The following DAP variants were observed in gnomAD, a reference collection of about 807,000 sequenced individuals.
DAP encodes death-associated protein 1.
Under a neutral mutation model 13.8 loss-of-function variants are expected in DAP, and 8 were observed. That is an observed-to-expected ratio of 0.58 (90% confidence interval 0.34 to 1.05). DAP has a LOEUF of 1.05. Among genes scored for constraint, DAP ranks in the 50% least tolerant of loss-of-function variants. The pLI is 0.03. For synonymous variants in DAP, 47 were observed against 47.5 expected (o/e 0.99, Z 0.04); for missense variants, 106 against 133.2 (o/e 0.80, Z 1.01).
At chr5:10,755,347 G>C (rs183430494) in intron 1 of DAP, among the ~76,000 whole-genome samples, 67 of 152,308 alleles carry the variant, frequency 4.4e-4, no homozygotes, top group African/African-American at 1.5e-3. Context: ...AGCCCAGTGA[G>C]ACCCATCTTG....
chr5:10,704,290 AAGT>A (rs1197695292), intron 2 of DAP, among the ~76,000 whole-genome samples: 1 of 152,208 alleles, frequency 6.6e-6, no homozygotes, highest in Non-Finnish European at 1.5e-5. Context: ...ATATTACACT[AAGT>A]AGGATTTAGG....
In DAP at chr5:10,692,809, G is replaced by A. The variant is rs1432603460; in HGVS notation, c.153-9238C>T. Among the ~76,000 whole-genome samples, 5 of 152,304 alleles carry A rather than the reference G, an allele frequency of 3.3e-5. No individual in the cohort carries two copies. In the East Asian group the frequency reaches 5.8e-4, roughly 18 times the overall value. ...GGCTCCCCAAAAGGACCGATTGCTAGTAATCTTCAAATAGGACTGCTACTG... is the reference window on the plus strand; with the variant it reads ...GGCTCCCCAAAAGGACCGATTGCTAATAATCTTCAAATAGGACTGCTACTG... On this transcript the variant is annotated intron_variant, in intron 2 of 3. Transcript: ENST00000230895.
rs367735191 is a variant in DAP at position 10,681,183 on chromosome 5, C to A, written c.196-14G>T. 1 of 1,482,324 alleles carries A rather than the reference C, an allele frequency of 6.7e-7. No individual in the cohort carries two copies. Among genetic ancestry groups the A allele is most frequent in the Admixed American group, 2.6e-5 (1 of 38,980 alleles). 91.8% of individuals were successfully genotyped at this position (1,482,324 alleles called of 1,614,324 possible). On this transcript the variant is annotated splice_polypyrimidine_tract_variant and intron_variant, in intron 3 of 3. Coordinates refer to ENST00000230895, the MANE Select transcript of DAP (RefSeq NM_004394.3). ...ATCTTTGTCACCCTGTCAGGAAACACGGAAAGCTCAGGTTAATCAATAGGA... is the reference window on the plus strand; with the variant it reads ...ATCTTTGTCACCCTGTCAGGAAACAAGGAAAGCTCAGGTTAATCAATAGGA...
At chr5:10,720,258 C>T (rs1054742191) in intron 2 of DAP, among the ~76,000 whole-genome samples, 21 of 152,220 alleles carry the variant, frequency 1.4e-4, no homozygotes, top group Non-Finnish European at 5.9e-5. Context: ...CCCAGTCATA[C>T]TTACATCACT....
chr5:10,726,302 C>T (rs1046222799), intron 2 of DAP, among the ~76,000 whole-genome samples: 18 of 152,252 alleles, frequency 1.2e-4, no homozygotes, highest in African/African-American at 4.1e-4. Context: ...AGTGTTCATA[C>T]ATTTCTGAAA....
In DAP at chr5:10,740,802, AACAG is replaced by A. The variant is rs1162903104; in HGVS notation, c.152+7369_152+7372del. Among the ~76,000 whole-genome samples the A allele has an allele frequency of 3.3e-5, 5 of 152,266 alleles. No individual in the cohort carries two copies. In the East Asian group the frequency reaches 7.7e-4, roughly 23 times the overall value. On this transcript the variant is annotated intron_variant, in intron 2 of 3. Transcript: ENST00000230895. ...ACAAATATTTTCAGAAAGAGAATAAAACAGACAGAAACCCAGTGGGAAGAAATAA... is the reference window on the plus strand; with the variant it reads ...ACAAATATTTTCAGAAAGAGAATAAAACAGAAACCCAGTGGGAAGAAATAA...
chr5:10,729,114 C>A (rs1211903040), intron 2 of DAP, among the ~76,000 whole-genome samples: 1 of 152,178 alleles, frequency 6.6e-6, no homozygotes, highest in Non-Finnish European at 1.5e-5. Flanking sequence ...ATCAACAACC[C>A]TTTTCCCACA....
At chr5:10,703,972 G>C (rs958498172) in intron 2 of DAP, among the ~76,000 whole-genome samples, 26 of 152,354 alleles carry the variant, frequency 1.7e-4, no homozygotes, top group African/African-American at 5.8e-4. Context: ...TGCTGTGGCA[G>C]AAAGCAGCAT....
At chr5:10,743,464 G>C (rs2126675290) in intron 2 of DAP, among the ~76,000 whole-genome samples, 1 of 152,194 alleles carries the variant, frequency 6.6e-6, no homozygotes, top group South Asian at 2.1e-4. Context: ...CCCCATTTCT[G>C]TTTCTTCCTT....
chr5:10,694,391 C>CACAA (rs1332519203), intron 2 of DAP, among the ~76,000 whole-genome samples: 1 of 151,760 alleles, frequency 6.6e-6, no homozygotes, highest in African/African-American at 2.4e-5. Context: ...TGTGCATACA[C>CACAA]ACACACACAC....
rs369132639 is a variant in DAP at position 10,749,325 on chromosome 5, G to A, written c.56-1054C>T. 5.9e-5 allele frequency among the ~76,000 whole-genome samples: 9 copies of A among 152,112 alleles called. No individual in the cohort carries two copies. In the East Asian group the frequency reaches 7.7e-4, roughly 13 times the overall value. ...GTTTTCATTTCCTTGAGTATATACC[G>A]AGAAATGGAACTGCCAGGCCACATG... On this transcript the variant is annotated intron_variant, in intron 1 of 3. Transcript: ENST00000230895.
intron 2 of DAP, among the ~76,000 whole-genome samples, chr5:10,712,633 A>G (rs1738882693): frequency 2.0e-5 from 3 of 152,136 alleles, no homozygotes; most frequent in African/African-American, 7.2e-5. Context: ...GAGACTGGGC[A>G]GGGCCTTAAA....
At chr5:10,717,767 A>G (rs1739029220) in intron 2 of DAP, among the ~76,000 whole-genome samples, 1 of 152,238 alleles carries the variant, frequency 6.6e-6, no homozygotes, top group African/African-American at 2.4e-5. Context: ...TGAACGGCAG[A>G]GGCAATGAGG....
intron 2 of DAP, among the ~76,000 whole-genome samples, chr5:10,693,342 G>A (rs1306650491): frequency 3.3e-5 from 5 of 152,208 alleles, no homozygotes; most frequent in Non-Finnish European, 7.3e-5. Context: ...TCATGTAAAT[G>A]TACTCTATCA....
intron 2 of DAP, among the ~76,000 whole-genome samples, chr5:10,733,182 G>A (rs181394288): frequency 4.8e-5 from 6 of 124,358 alleles, no homozygotes; most frequent in Non-Finnish European, 9.3e-5. Context: ...GTGTGTGTGT[G>A]TGTGTGTGTG....
chr5:10,743,077 CTTTG>C (rs149652226), intron 2 of DAP, among the ~76,000 whole-genome samples: 14,423 of 152,136 alleles, frequency 0.095, 978 homozygotes, highest in African/African-American at 0.19. Flanking sequence ...GAACTCGGCT[CTTTG>C]TTTGTTGAAT....
chr5:10,739,427 T>C (rs572453843), intron 2 of DAP, among the ~76,000 whole-genome samples: 1 of 152,100 alleles, frequency 6.6e-6, no homozygotes, highest in East Asian at 1.9e-4. Flanking sequence ...CTGAGATGGT[T>C]GAGGTGTTTT....
At chr5:10,758,414 CTGTTGGCATT>C (rs1383495835) in intron 1 of DAP, among the ~76,000 whole-genome samples, 1 of 90,408 alleles carries the variant, frequency 1.1e-5, no homozygotes, top group Non-Finnish European at 2.3e-5. Context: ...TTGAGGGGTG[CTGTTGGCATT>C]TGAGGGATGC....
chr5:10,742,117 T>C (rs1453819733), intron 2 of DAP, among the ~76,000 whole-genome samples: 1 of 150,760 alleles, frequency 6.6e-6, no homozygotes, highest in Admixed American at 6.6e-5. Context: ...GTTACCTCCT[T>C]TCTTATACAT....
Sources: gnomAD v4.1 joint callset for allele counts (sites outside exome capture counted in the v4.1 genomes callset) on GRCh38, gnomAD v4.1.1 for gene constraint, MANE v1.5 for transcripts, NCBI Gene and HGNC (gene_info 2026-07-23, HGNC 2026-07-21) for gene names.